The following MDGA2 variants were observed in gnomAD, a reference collection of about 807,000 sequenced individuals.
MDGA2 encodes MAM domain-containing glycosylphosphatidylinositol anchor protein 2.
A neutral mutation model predicts 117.8 loss-of-function variants in MDGA2; 40 were observed. The observed-to-expected ratio is 0.34, with a 90% CI of 0.26 to 0.44. The LOEUF is 0.44. MDGA2 is among the 20% of genes least tolerant of loss of function. The pLI is 1.00. For synonymous variants in MDGA2, 452 were observed against 439.0 expected (o/e 1.03, Z -0.37); for missense variants, 1,123 against 1,250.6 (o/e 0.90, Z 1.54).
At chr14:47,003,541 A>G (rs1887606921) in intron 8 of MDGA2, among the ~76,000 whole-genome samples, 1 of 151,986 alleles carries the variant, frequency 6.6e-6, no homozygotes, top group Non-Finnish European at 1.5e-5. Context: ...CTGTGGTTTG[A>G]ATTGCATTTC....
At chr14:47,299,752 G>T (rs907970860) in intron 2 of MDGA2, among the ~76,000 whole-genome samples, 4 of 151,904 alleles carry the variant, frequency 2.6e-5, no homozygotes. Flanking sequence ...GTCTGTCCTT[G>T]TATGTTGTCT....
At chr14:47,403,582 C>T (rs1566771040) in intron 1 of MDGA2, among the ~76,000 whole-genome samples, 2 of 152,060 alleles carry the variant, frequency 1.3e-5, no homozygotes, top group African/African-American at 4.8e-5. Flanking sequence ...CAACTCATAT[C>T]CTCACCCTCT....
intron 3 of MDGA2, 147 bp downstream of exon 3, chr14:47,217,874 G>A (rs897003816): frequency 2.0e-5 from 11 of 540,868 alleles, no homozygotes; most frequent in Non-Finnish European, 3.0e-5. Flanking sequence ...CCTTTCTTCA[G>A]GAACGTTTTA....
intron 8 of MDGA2, among the ~76,000 whole-genome samples, chr14:47,023,198 TAAAAAAA>T (rs71985853): frequency 1.9e-5 from 2 of 102,866 alleles, no homozygotes; most frequent in African/African-American, 3.9e-5. Context: ...TTCCCACTCG[TAAAAAAA>T]AAAAAAAAAA....
In MDGA2 at chr14:47,356,035, C is replaced by T. The variant is rs535231969; in HGVS notation, c.281-54485G>A. On this transcript the variant is annotated intron_variant, in intron 1 of 16. Transcript: ENST00000399232. ...CAAGAACTGAAAGACTGGCCTCACC[C>T]TGGACCAGCTCAGCCTGCATGGACA... Among the ~76,000 whole-genome samples, 18 of 152,282 alleles carry T rather than the reference C, an allele frequency of 1.2e-4. No homozygotes were observed. The East Asian group carries it at 3.5e-3, about 29-fold the overall frequency.
intron 1 of MDGA2, among the ~76,000 whole-genome samples, chr14:47,510,059 C>T (rs1894607008): frequency 6.6e-6 from 1 of 152,082 alleles, no homozygotes; most frequent in Admixed American, 6.5e-5. Context: ...ATTCGTACGT[C>T]GAATTCCTAA....
intron 1 of MDGA2, among the ~76,000 whole-genome samples, chr14:47,532,383 T>C (rs1030649492): frequency 6.6e-6 from 1 of 152,184 alleles, no homozygotes; most frequent in Admixed American, 6.5e-5. Context: ...CCCACCAATT[T>C]TGCCCTAACA....
chr14:47,297,626 C>G (rs1566726419), intron 2 of MDGA2, among the ~76,000 whole-genome samples: 1 of 152,012 alleles, frequency 6.6e-6, no homozygotes, highest in Non-Finnish European at 1.5e-5. Context: ...ACTGGCAAAC[C>G]CTTACTTTCT....
intron 1 of MDGA2, among the ~76,000 whole-genome samples, chr14:47,663,384 C>G (rs1219540844): frequency 6.6e-6 from 1 of 152,080 alleles, no homozygotes. Context: ...AGATACTTGA[C>G]CAATATACTT....
chr14:47,047,741 A>G lies in MDGA2; in HGVS notation c.1526-12437T>C, dbSNP rs372819046. Among the ~76,000 whole-genome samples, 69 of 152,102 alleles carry G rather than the reference A, an allele frequency of 4.5e-4. No homozygotes were observed. In the East Asian group the frequency reaches 5.4e-3, roughly 12 times the overall value. On this transcript the variant is annotated intron_variant, in intron 7 of 16. Coordinates refer to ENST00000399232, the MANE Select transcript of MDGA2 (RefSeq NM_001113498.3). ...TACATTTCTATATAGATTTTGTTTT[A>G]TTCATACTTATGATGTCTCGAGTAC...
chr14:47,059,219 G>T (rs746602724), intron 7 of MDGA2: 3 of 917,016 alleles, frequency 3.3e-6, no homozygotes, highest in South Asian at 2.8e-5. Context: ...GTATTGTTTC[G>T]GCTATTGAGA....
At chr14:46,920,908 G>C (rs1385607782) in intron 9 of MDGA2, among the ~76,000 whole-genome samples, 9 of 151,980 alleles carry the variant, frequency 5.9e-5, no homozygotes, top group South Asian at 2.1e-4. Context: ...TAAAAGATCT[G>C]GTCAATATTT....
chr14:47,122,590 T>C (rs1360472109), intron 5 of MDGA2, among the ~76,000 whole-genome samples: 1 of 152,100 alleles, frequency 6.6e-6, no homozygotes, highest in African/African-American at 2.4e-5. Flanking sequence ...TTTTATTGTA[T>C]CTCCTTTGTT....
intron 2 of MDGA2, among the ~76,000 whole-genome samples, chr14:47,230,818 G>T (rs2139569304): frequency 6.6e-6 from 1 of 151,918 alleles, no homozygotes; most frequent in African/African-American, 2.4e-5. Context: ...ACATTAAAGA[G>T]GACCATTTTA....
chr14:47,520,724 T>C (rs1206448175), intron 1 of MDGA2, among the ~76,000 whole-genome samples: 1 of 152,134 alleles, frequency 6.6e-6, no homozygotes, highest in African/African-American at 2.4e-5. Flanking sequence ...ACTTGACGTG[T>C]TGGAAATGAA....
In MDGA2 at chr14:47,614,379, C is replaced by T. The variant is rs117820286; in HGVS notation, c.280+60138G>A. 6.0e-3 allele frequency among the ~76,000 whole-genome samples: 914 copies of T among 152,206 alleles called. 8 individuals are homozygous for T. The highest frequency in any genetic ancestry group is 0.01 in the Middle Eastern group (3 of 294). ...TGCTGGGATTACAGGCATGAGCCAT[C>T]GCATCCGGCCACTTTTTCACCTTTT... On this transcript the variant is annotated intron_variant, in intron 1 of 16. Coordinates refer to ENST00000399232, the MANE Select transcript of MDGA2 (RefSeq NM_001113498.3).
chr14:47,363,300 C>T (rs1891164429), intron 1 of MDGA2, among the ~76,000 whole-genome samples: 2 of 151,822 alleles, frequency 1.3e-5, no homozygotes, highest in African/African-American at 4.8e-5. Flanking sequence ...CTCTGTCGTC[C>T]AGGCTGAAGT....
At chr14:47,120,714 T>C (rs1881605602) in intron 5 of MDGA2, among the ~76,000 whole-genome samples, 1 of 152,132 alleles carries the variant, frequency 6.6e-6, no homozygotes, top group South Asian at 2.1e-4. Flanking sequence ...CAGTTAAAGG[T>C]TGATGCTAAT....
chr14:47,182,863 T>A (rs1884764309), intron 3 of MDGA2, among the ~76,000 whole-genome samples: 1 of 152,224 alleles, frequency 6.6e-6, no homozygotes, highest in Non-Finnish European at 1.5e-5. Context: ...GGAAACTTTT[T>A]ATTCCATTTG....
Sources: gnomAD v4.1 joint callset for allele counts (sites outside exome capture counted in the v4.1 genomes callset) on GRCh38, gnomAD v4.1.1 for gene constraint, MANE v1.5 for transcripts, NCBI Gene and HGNC (gene_info 2026-07-23, HGNC 2026-07-21) for gene names.